The following GTF3C2 variants were observed in gnomAD, a reference collection of about 807,000 sequenced individuals.
The protein encoded by GTF3C2 is general transcription factor 3C polypeptide 2.
GTF3C2 carries 17 observed loss-of-function variants against 117.4 expected under a neutral mutation model. The ratio of observed to expected loss-of-function variants is 0.14; its 90% CI spans 0.10 to 0.22. The LOEUF (loss-of-function observed/expected upper bound fraction) is 0.22. Among genes scored for constraint, GTF3C2 ranks in the 10% least tolerant of loss-of-function variants. The probability of loss-of-function intolerance (pLI) is 1.00; values close to 1 mark genes in which losing one functional copy is unlikely to be tolerated. For synonymous variants in GTF3C2, 437 were observed against 427.0 expected, an observed-to-expected ratio of 1.02 and a Z score of -0.29; for missense variants, 888 against 1,143.6, an observed-to-expected ratio of 0.78 and a Z score of 3.22.
At chr2:27,325,990 C>T (rs1045997381) in exon 19 of GTF3C2, 6 of 239,774 alleles carry the variant, frequency 2.5e-5, no homozygotes, top group African/African-American at 1.4e-4. Context: ...TAGAAGTATA[C>T]TCTCTGACTT....
At chr2:27,347,773 G>A (rs924712188) in intron 1 of GTF3C2, among the ~76,000 whole-genome samples, 5 of 152,194 alleles carry the variant, frequency 3.3e-5, no homozygotes, top group Non-Finnish European at 7.3e-5. Context: ...TAAGAGGTGG[G>A]ATCTTTAAGA....
rs574468716 is a variant in GTF3C2 at position 27,348,282 on chromosome 2, A to C, written c.-24-4704T>G. 4.0e-5 allele frequency among the ~76,000 whole-genome samples: 6 copies of C among 151,552 alleles called. No individual in the cohort carries two copies. The East Asian group carries it at 1.2e-3, about 29-fold the overall frequency. On this transcript the variant is annotated intron_variant, in intron 1 of 18. Transcript: ENST00000264720. ...ACTCCGTCTGAGGGAAAAAAAAAAA[A>C]AAAACTAGCTGGGCATGGTGGGCAG...
At chr2:27,337,105 T>TA (rs1680512288) in intron 7 of GTF3C2, 139 bp downstream of exon 7, 1 of 632,916 alleles carries the variant, frequency 1.6e-6, no homozygotes. Flanking sequence ...TGACCAGCTC[T>TA]AGTCAGCACT....
chr2:27,354,105 G>A (rs1180448100), intron 1 of GTF3C2, among the ~76,000 whole-genome samples: 1 of 149,008 alleles, frequency 6.7e-6, no homozygotes, highest in East Asian at 2.0e-4. Flanking sequence ...ACAAAATCCT[G>A]TCTCAACAAC....
chr2:27,326,928 C>T, intron 18 of GTF3C2, 35 bp from the exon 19 acceptor site: 10 of 1,385,968 alleles, frequency 7.2e-6, no homozygotes, highest in Non-Finnish European at 8.2e-6. Context: ...GAGAGATGCT[C>T]ATGGGTGGTG....
At chr2:27,335,401 A>G in intron 10 of GTF3C2, 197 bp downstream of exon 10, 1 of 706,712 alleles carries the variant, frequency 1.4e-6, no homozygotes, top group Middle Eastern at 2.3e-4. Flanking sequence ...AAATGTGCTG[A>G]AAGAGTACAG....
intron 1 of GTF3C2, among the ~76,000 whole-genome samples, chr2:27,355,022 T>C (rs934692555): frequency 6.6e-6 from 1 of 152,220 alleles, no homozygotes; most frequent in Admixed American, 6.5e-5. Flanking sequence ...CAAAATTTGA[T>C]ACTACCAAAC....
chr2:27,350,441 CAGTT>C lies in GTF3C2; in HGVS notation c.-25+6294_-25+6297del, dbSNP rs1027317631. On this transcript the variant is annotated intron_variant, in intron 1 of 18. Transcript: ENST00000264720. ...ATCACGATGAGGGTTGAGGGAAAAACAGTTGGTAGGAACAAGTGCTTATCAAACT... is the reference window on the plus strand; with the variant it reads ...ATCACGATGAGGGTTGAGGGAAAAACGGTAGGAACAAGTGCTTATCAAACT... 15 of 985,418 alleles carry C rather than the reference CAGTT, an allele frequency of 1.5e-5. No homozygotes were observed. In the South Asian group the frequency reaches 2.3e-4, roughly 15 times the overall value. The allele number at this position is 985,418 out of a possible 1,614,324, so 61.0% of individuals were successfully genotyped here.
chr2:27,342,910 C>G (rs987645796), exon 3 of GTF3C2: 2 of 1,614,036 alleles, frequency 1.2e-6, no homozygotes, highest in Admixed American at 3.3e-5. Flanking sequence ...AGATTCTGGC[C>G]GATCTAGGTC....
At chr2:27,334,226 C>G (rs547228769) in intron 10 of GTF3C2, among the ~76,000 whole-genome samples, 47 of 151,914 alleles carry the variant, frequency 3.1e-4, no homozygotes, top group South Asian at 1.9e-3. Flanking sequence ...TTTAGACCTC[C>G]TCTGTGGACA....
exon 19 of GTF3C2, chr2:27,326,120 C>T (rs920541537): frequency 2.0e-5 from 9 of 441,342 alleles, no homozygotes; most frequent in East Asian, 7.0e-5. Context: ...ACTGTTCTAT[C>T]GGTAGGGTGT....
intron 1 of GTF3C2, among the ~76,000 whole-genome samples, chr2:27,355,274 G>A (rs1380810647): frequency 1.3e-5 from 2 of 152,126 alleles, no homozygotes; most frequent in Non-Finnish European, 2.9e-5. Flanking sequence ...TGTAATCCCA[G>A]CACTTTAGGA....
exon 11 of GTF3C2, chr2:27,333,997 C>T: frequency 1.2e-6 from 2 of 1,608,914 alleles, no homozygotes; most frequent in Non-Finnish European, 1.7e-6. Context: ...GGCTTCACTG[C>T]ATCTGTGAGG....
intron 3 of GTF3C2, chr2:27,342,538 T>C: frequency 3.7e-6 from 2 of 547,118 alleles, no homozygotes; most frequent in Non-Finnish European, 6.5e-6. Flanking sequence ...TGGAACAGAA[T>C]ATATATACTG....
chr2:27,328,436 C>T (rs753754785), intron 16 of GTF3C2, 32 bp downstream of exon 16: 1 of 1,610,964 alleles, frequency 6.2e-7, no homozygotes. Context: ...GGTTAGGATC[C>T]AACAGCTGCT....
At chr2:27,347,605 AC>A (rs577830153) in intron 1 of GTF3C2, among the ~76,000 whole-genome samples, 199 of 152,340 alleles carry the variant, frequency 1.3e-3, no homozygotes, top group African/African-American at 4.4e-3. Flanking sequence ...GATGAAGAGT[AC>A]CCTTTTGAAG....
At chr2:27,340,324 G>A (rs1321259180) in intron 4 of GTF3C2, 1 of 152,076 alleles carries the variant, frequency 6.6e-6, no homozygotes, top group Non-Finnish European at 1.5e-5. Context: ...TCTGCCTCCT[G>A]GGTTCAAGTG....
At chr2:27,326,914 AAGAG>A (rs777015032) in intron 18 of GTF3C2, 21 bp from the exon 19 acceptor site, 1 of 1,508,086 alleles carries the variant, frequency 6.6e-7, no homozygotes, top group East Asian at 2.3e-5. Flanking sequence ...AACAGAAAAC[AAGAG>A]AGAGATGCTC....
chr2:27,338,071 C>A (rs759640032), intron 4 of GTF3C2, 51 bp from the exon 5 acceptor site: 3 of 1,133,286 alleles, frequency 2.6e-6, no homozygotes, highest in Non-Finnish European at 2.7e-6. Flanking sequence ...ACAGGTTGGA[C>A]AAAGTCCCAG....
Sources: allele counts gnomAD v4.1 joint callset (sites outside exome capture counted in the v4.1 genomes callset), GRCh38; gene constraint gnomAD v4.1.1; transcripts MANE v1.5; gene names NCBI Gene and HGNC (gene_info 2026-07-23, HGNC 2026-07-21).